The following TRABD2B variants were observed in gnomAD, a reference collection of about 807,000 sequenced individuals.
TRABD2B encodes the protein TraB domain containing 2B, also known as metalloprotease TIKI2.
In TRABD2B, 14 loss-of-function variants were observed where a neutral mutation model predicts 40.1. The observed-to-expected ratio is 0.35, with a 90% CI of 0.23 to 0.55. The LOEUF is 0.55. Ranked by LOEUF, TRABD2B falls within the 20% of genes least tolerant of loss-of-function variation. The pLI is 0.90. For missense variants in TRABD2B, 541 were observed against 648.6 expected (o/e 0.83, Z 1.80); for synonymous variants, 263 against 277.0 (o/e 0.95, Z 0.50).
At chr1:47,965,137 C>G (rs1645579490) in intron 2 of TRABD2B, among the ~76,000 whole-genome samples, 1 of 145,028 alleles carries the variant, frequency 6.9e-6, no homozygotes, top group African/African-American at 2.6e-5. Flanking sequence ...GCATCAAGAC[C>G]AGGTTGCGGT....
chr1:47,844,237 C>T (rs969085220), intron 2 of TRABD2B, among the ~76,000 whole-genome samples: 2 of 152,158 alleles, frequency 1.3e-5, no homozygotes, highest in African/African-American at 4.8e-5. Flanking sequence ...TTTTATAGGC[C>T]ACCCTTTGAA....
intron 2 of TRABD2B, among the ~76,000 whole-genome samples, chr1:47,807,608 C>G (rs1416355880): frequency 6.6e-6 from 1 of 151,960 alleles, no homozygotes; most frequent in Non-Finnish European, 1.5e-5. Flanking sequence ...GTTCCTCCCT[C>G]TTTTGTTATT....
At chr1:47,913,025 T>C (rs2124710672) in intron 2 of TRABD2B, among the ~76,000 whole-genome samples, 1 of 152,336 alleles carries the variant, frequency 6.6e-6, no homozygotes, top group East Asian at 1.9e-4. Flanking sequence ...TGGGCAGCTC[T>C]TGGCTGTGAA....
At chr1:47,977,583 G>A (rs1257982702) in intron 2 of TRABD2B, among the ~76,000 whole-genome samples, 1 of 151,624 alleles carries the variant, frequency 6.6e-6, no homozygotes, top group Admixed American at 6.6e-5. Flanking sequence ...GAAGGAATCT[G>A]TTGGAAGTCA....
Position 47,967,336 on chromosome 1 carries a change from A to AACACACACACAC in TRABD2B, c.666+26686_666+26697dup, listed in dbSNP as rs56776440. On this transcript the variant is annotated intron_variant, in intron 2 of 6. Transcript: ENST00000606738. The stretch of plus-strand genomic sequence containing the variant: ...ATGAGTGTATGTGAATAAGCAAGAA[A>AACACACACACAC]ACACACACACACACACACACACACA... Among the ~76,000 whole-genome samples, 184 of 147,382 alleles carry AACACACACACAC rather than the reference A, an allele frequency of 1.2e-3. 1 individual carries two copies. The highest frequency in any genetic ancestry group is 4.4e-3 in the African/African-American group (174 of 39,962).
chr1:47,767,310 C>CG (rs967281707), intron 6 of TRABD2B, among the ~76,000 whole-genome samples: 3 of 152,112 alleles, frequency 2.0e-5, no homozygotes, highest in African/African-American at 7.2e-5. Flanking sequence ...AGGGGAGCAC[C>CG]GGGGGGCAGC....
Position 47,787,087 on chromosome 1 carries a change from C to A in TRABD2B, c.988+7499G>T, listed in dbSNP as rs574594344. 2.0e-5 allele frequency among the ~76,000 whole-genome samples: 3 copies of A among 152,262 alleles called. No homozygotes were observed. In the East Asian group the frequency reaches 5.8e-4, roughly 29 times the overall value. On this transcript the variant is annotated intron_variant, in intron 4 of 6. Coordinates refer to ENST00000606738, the MANE Select transcript of TRABD2B (RefSeq NM_001194986.2). ...CCCAGCTATGAGCTCTGAAGGGCTG[C>A]CATTCTGACGCCACCAAGTGAAGAA...
chr1:47,977,531 T>C (rs1194152118), intron 2 of TRABD2B, among the ~76,000 whole-genome samples: 1 of 152,104 alleles, frequency 6.6e-6, no homozygotes, highest in African/African-American at 2.4e-5. Context: ...AGATAGGTAT[T>C]CTTATCTCCA....
rs554426077 is a variant in TRABD2B at position 47,852,416 on chromosome 1, A to G, written c.667-50797T>C. ...TGCCTCCCCCACTTCCTGACCCACT[A>G]TGGGATTCATTTTCACGATCCCCTT... is the stretch of plus-strand genomic sequence containing the variant. On this transcript the variant is annotated intron_variant, in intron 2 of 6. Coordinates refer to ENST00000606738, the MANE Select transcript of TRABD2B (RefSeq NM_001194986.2). Among the ~76,000 whole-genome samples, 5 of 152,288 alleles carry G rather than the reference A, an allele frequency of 3.3e-5. No individual in the cohort carries two copies. The East Asian group carries it at 9.7e-4, about 29-fold the overall frequency.
chr1:47,944,249 A>G (rs530438523), intron 2 of TRABD2B, among the ~76,000 whole-genome samples: 34 of 152,344 alleles, frequency 2.2e-4, no homozygotes, highest in African/African-American at 6.3e-4. Flanking sequence ...GCTAGGTCCT[A>G]TGAAAAGAGA....
At chr1:47,823,364 G>A (rs1330337974) in intron 2 of TRABD2B, among the ~76,000 whole-genome samples, 1 of 152,266 alleles carries the variant, frequency 6.6e-6, no homozygotes, top group Non-Finnish European at 1.5e-5. Context: ...ACTGACTGGG[G>A]CTGGAGGCTT....
intron 4 of TRABD2B, among the ~76,000 whole-genome samples, chr1:47,781,850 A>G (rs1013217826): frequency 6.6e-6 from 1 of 152,160 alleles, no homozygotes; most frequent in Non-Finnish European, 1.5e-5. Flanking sequence ...TTGGTTTCAC[A>G]GCACCCCACA....
intron 2 of TRABD2B, among the ~76,000 whole-genome samples, chr1:47,921,775 C>G (rs1368729227): frequency 6.6e-6 from 1 of 152,114 alleles, no homozygotes; most frequent in Non-Finnish European, 1.5e-5. Flanking sequence ...AGACTCTGGC[C>G]GTCACCCTTG....
At chr1:47,974,763 GA>G (rs1326491281) in intron 2 of TRABD2B, among the ~76,000 whole-genome samples, 1 of 151,774 alleles carries the variant, frequency 6.6e-6, no homozygotes, top group African/African-American at 2.4e-5. Context: ...AAGATGGAGG[GA>G]AAAAAGGGTA....
At chr1:47,952,785 G>A (rs1036407127) in intron 2 of TRABD2B, among the ~76,000 whole-genome samples, 2 of 152,262 alleles carry the variant, frequency 1.3e-5, no homozygotes, top group Admixed American at 6.5e-5. Flanking sequence ...CACCAAATGA[G>A]CAAAATGAAC....
At chr1:47,877,067 T>C (rs967017585) in intron 2 of TRABD2B, among the ~76,000 whole-genome samples, 4 of 151,984 alleles carry the variant, frequency 2.6e-5, no homozygotes, top group Non-Finnish European at 5.9e-5. Context: ...AGGGCTCAAA[T>C]TGGGGTTAGG....
In TRABD2B at chr1:47,762,846, A is replaced by G. The variant is rs991042124; in HGVS notation, c.*3056T>C. On this transcript the variant is annotated 3_prime_UTR_variant, in exon 7 of 7. Transcript: ENST00000606738. ...AAGACCTGGGGACATGGCCATTCCA[A>G]CATGCCCCAGAGAGCCCTTCATCAC... 3 of 152,108 alleles carry G rather than the reference A, an allele frequency of 2.0e-5. No homozygotes were observed. The highest frequency in any genetic ancestry group is 7.2e-5 in the African/African-American group (3 of 41,426). The allele number at this position is 152,108 out of a possible 1,614,324, so 9.4% of individuals were successfully genotyped here.
Position 47,996,293 on chromosome 1 carries a change from G to C in TRABD2B, c.102+395C>G, listed in dbSNP as rs1425120130. Among the ~76,000 whole-genome samples the C allele has an allele frequency of 6.6e-6, 1 of 152,248 alleles. No homozygotes were observed. The highest frequency in any genetic ancestry group is 2.1e-4 in the South Asian group (1 of 4,826). On this transcript the variant is annotated intron_variant, in intron 1 of 6. Coordinates refer to ENST00000606738, the MANE Select transcript of TRABD2B (RefSeq NM_001194986.2). The surrounding 1 kb of genome is among the most constrained non-coding windows in gnomAD (Gnocchi z 4.6). ...TGTGAATGGGAGAGCAAAAGGGTTC[G>C]ATGGAAGTCAAGAGAAGGGCAAGGA...
chr1:47,850,719 G>T (rs1411612767), intron 2 of TRABD2B, among the ~76,000 whole-genome samples: 1 of 152,210 alleles, frequency 6.6e-6, no homozygotes, highest in Non-Finnish European at 1.5e-5. Context: ...GGGAGGGAAT[G>T]AATGAATCCT....
Sources: gnomAD v4.1 joint callset for allele counts (sites outside exome capture counted in the v4.1 genomes callset) on GRCh38, gnomAD v4.1.1 for gene constraint, Gnocchi (gnomAD v3.1) non-coding constraint, MANE v1.5 for transcripts, NCBI Gene and HGNC (gene_info 2026-07-23, HGNC 2026-07-21) for gene names.